PALLD: variants seen among roughly 807,000 people sequenced by gnomAD.
PALLD encodes the protein palladin, cytoskeletal associated protein.
PALLD carries 61 observed loss-of-function variants against 123.5 expected under a neutral mutation model. That is an observed-to-expected ratio of 0.49 (90% CI 0.40 to 0.61). The LOEUF (loss-of-function observed/expected upper bound fraction) is 0.61. Among genes scored for constraint, PALLD ranks in the 20% least tolerant of loss-of-function variants. PALLD has a pLI of 0.00. For synonymous variants in PALLD, 465 were observed against 496.4 expected (o/e 0.94, Z 0.84); for missense variants, 1,273 against 1,377.0 (o/e 0.92, Z 1.20).
chr4:168,735,888 A>G (rs1787698207), intron 10 of PALLD, among the ~76,000 whole-genome samples: 3 of 152,090 alleles, frequency 2.0e-5, no homozygotes, highest in African/African-American at 4.8e-5. Context: ...ACATTTGCAA[A>G]TTACTTTCAT....
chr4:168,901,539 T>C (rs1756513168), intron 14 of PALLD, among the ~76,000 whole-genome samples: 1 of 152,174 alleles, frequency 6.6e-6, no homozygotes, highest in Admixed American at 6.5e-5. Flanking sequence ...TGTATACTTA[T>C]TACAGCTTCT....
chr4:168,868,341 A>G (rs1750621004), intron 10 of PALLD, among the ~76,000 whole-genome samples: 1 of 152,220 alleles, frequency 6.6e-6, no homozygotes, highest in Non-Finnish European at 1.5e-5. Flanking sequence ...GAGTGCTATT[A>G]CCAGATGAAA....
At chr4:168,795,668 T>C (rs2150642413) in intron 10 of PALLD, among the ~76,000 whole-genome samples, 1 of 152,092 alleles carries the variant, frequency 6.6e-6, no homozygotes, top group East Asian at 1.9e-4. Flanking sequence ...TACAGTTAAT[T>C]GGGAGCTAAT....
chr4:168,621,676 C>T (rs1366222716), intron 2 of PALLD, among the ~76,000 whole-genome samples: 3 of 152,162 alleles, frequency 2.0e-5, no homozygotes, highest in East Asian at 1.9e-4. Flanking sequence ...ATATAAATCC[C>T]GTAAGTGATG....
chr4:168,753,073 G>T (rs979549087), intron 10 of PALLD, among the ~76,000 whole-genome samples: 1 of 152,110 alleles, frequency 6.6e-6, no homozygotes, highest in Non-Finnish European at 1.5e-5. Context: ...AAAGGATTTT[G>T]ACATATCTCA....
chr4:168,795,183 G>A (rs570887693), intron 10 of PALLD, among the ~76,000 whole-genome samples: 178 of 152,280 alleles, frequency 1.2e-3, no homozygotes, highest in African/African-American at 4.1e-3. Context: ...AAGAATTATA[G>A]GGACACACAA....
chr4:168,766,567 G>A (rs919314311), intron 10 of PALLD, among the ~76,000 whole-genome samples: 7 of 152,188 alleles, frequency 4.6e-5, no homozygotes, highest in Non-Finnish European at 7.3e-5. Flanking sequence ...CAGAGACGGA[G>A]AGCCTGTTTC....
chr4:168,891,144 T>C (rs1180896946), intron 11 of PALLD, 87 bp downstream of exon 11: 1 of 1,284,434 alleles, frequency 7.8e-7, no homozygotes, highest in African/African-American at 1.5e-5. Context: ...TCTTGATATT[T>C]GTCCACAACA....
At position 168,786,814 on chromosome 4, in the gene PALLD, T is replaced by C. The variant is rs75365467; in HGVS notation, c.1964+74891T>C. Among the ~76,000 whole-genome samples, 436 of 152,330 alleles carry C rather than the reference T, an allele frequency of 2.9e-3. 3 individuals are homozygous for C. The highest frequency in any genetic ancestry group is 0.01 in the African/African-American group (429 of 41,574). ...AAGAAAAAAACTGGATAGAAAATTA[T>C]AACACTGTTATTAATTAAAATTGTT... On this transcript the variant is annotated intron_variant, in intron 10 of 21. Coordinates refer to ENST00000505667, the MANE Select transcript of PALLD (RefSeq NM_001166108.2).
intron 12 of PALLD, 79 bp downstream of exon 12, chr4:168,894,756 G>T: frequency 1.3e-6 from 2 of 1,558,648 alleles, no homozygotes; most frequent in East Asian, 2.4e-5. Flanking sequence ...TACTGTTCTT[G>T]GGATGAGTTC....
intron 3 of PALLD, among the ~76,000 whole-genome samples, chr4:168,670,831 A>G (rs1287208472): frequency 6.6e-6 from 1 of 151,068 alleles, no homozygotes; most frequent in Non-Finnish European, 1.5e-5. Context: ...CACACCTGTA[A>G]TCCCAGCACT....
chr4:168,882,280 C>T (rs142470484), intron 10 of PALLD, among the ~76,000 whole-genome samples: 3 of 152,256 alleles, frequency 2.0e-5, no homozygotes, highest in East Asian at 1.9e-4. Context: ...CAAGAGGTGA[C>T]GGGATTTCCC....
Position 168,598,824 on chromosome 4 carries a change from C to A in PALLD, c.909-69366C>A, listed in dbSNP as rs558905281. 4.8e-5 allele frequency: 12 copies of A among 247,598 alleles called. No homozygotes were observed. The East Asian group carries it at 1.6e-3, about 33-fold the overall frequency. 15.3% of individuals were successfully genotyped at this position (247,598 alleles called of 1,614,324 possible). On this transcript the variant is annotated intron_variant, in intron 2 of 21. Coordinates refer to ENST00000505667, the MANE Select transcript of PALLD (RefSeq NM_001166108.2). ...CTCCAACACCAGCATACAGCAACAGCAAAATCACAATTCACTTCTGTATAT... is the reference window on the plus strand; with the variant it reads ...CTCCAACACCAGCATACAGCAACAGAAAAATCACAATTCACTTCTGTATAT...
At position 168,925,059 on chromosome 4, in the gene PALLD, T is replaced by C; in HGVS notation, c.3339T>C (p.Thr1113=). The C allele has an allele frequency of 6.2e-7, 1 of 1,614,100 alleles. No individual in the cohort carries two copies. The highest frequency in any genetic ancestry group is 8.5e-7 in the Non-Finnish European group (1 of 1,179,958). The part of the protein sequence containing the change: ...AKNEAGIVSC[T]ARLDVYISRH ...ATGAAGCAGGGATTGTGTCCTGTAC[T>C]GCCAGGCTGGACGTTTACAGTGAGT... The change falls in exon 20 of 22, where the codon ACT becomes ACC. Residue 1113 remains threonine, a synonymous_variant. Transcript: ENST00000505667.
intron 10 of PALLD, among the ~76,000 whole-genome samples, chr4:168,848,133 C>T (rs941148983): frequency 2.0e-5 from 3 of 151,872 alleles, no homozygotes; most frequent in East Asian, 3.9e-4. Context: ...TAGCCTCCTC[C>T]GGCAACCCTA....
At chr4:168,518,067 A>G (rs1400947004) in intron 2 of PALLD, among the ~76,000 whole-genome samples, 4 of 152,174 alleles carry the variant, frequency 2.6e-5, no homozygotes, top group Admixed American at 2.0e-4. Context: ...CTCTTTCCAA[A>G]TCTTCTCCAT....
chr4:168,674,139 TCCTGA>T (rs1286737876), intron 3 of PALLD, among the ~76,000 whole-genome samples: 15 of 152,268 alleles, frequency 9.9e-5, no homozygotes, highest in Non-Finnish European at 1.3e-4. Flanking sequence ...GGTCTCAAAC[TCCTGA>T]CCTCAAGTGA....
intron 2 of PALLD, among the ~76,000 whole-genome samples, chr4:168,578,839 A>G (rs1214930012): frequency 6.6e-6 from 1 of 152,086 alleles, no homozygotes; most frequent in Non-Finnish European, 1.5e-5. Flanking sequence ...AAAGAAAGTT[A>G]TTTGTGTTTT....
chr4:168,666,403 A>G (rs1460207842), intron 2 of PALLD, among the ~76,000 whole-genome samples: 1 of 152,180 alleles, frequency 6.6e-6, no homozygotes, highest in Non-Finnish European at 1.5e-5. Context: ...CCTCACACAT[A>G]GAAGAAGCTC....
Sources: allele counts gnomAD v4.1 joint callset (sites outside exome capture counted in the v4.1 genomes callset), GRCh38; gene constraint gnomAD v4.1.1; transcripts MANE v1.5; gene names NCBI Gene and HGNC (gene_info 2026-07-23, HGNC 2026-07-21).